RRM2: variants seen among roughly 807,000 people sequenced by gnomAD.
RRM2 encodes the protein ribonucleotide reductase regulatory subunit M2.
RRM2 carries 6 observed loss-of-function variants against 45.9 expected under a neutral mutation model. The observed-to-expected ratio is 0.13, with a 90% CI of 0.07 to 0.26. The LOEUF is 0.26. Among genes scored for constraint, RRM2 ranks in the 10% least tolerant of loss-of-function variants. RRM2 has a pLI of 1.00. For synonymous variants in RRM2, 177 were observed against 173.0 expected (o/e 1.02, Z -0.18); for missense variants, 343 against 489.5 (o/e 0.70, Z 2.82).
chr2:10,122,744 C>T lies in RRM2; in HGVS notation c.-55C>T, dbSNP rs1572484933. On this transcript the variant is annotated 5_prime_UTR_variant, in exon 1 of 10. Coordinates refer to ENST00000304567, the MANE Select transcript of RRM2 (RefSeq NM_001034.4). Reference sequence around the variant, plus strand: ...GCTGGAGTGAGGGGTCGCCCGTGCACCCTGTCCCAGCCGTCCTGTCCTGGC... The same window carrying T: ...GCTGGAGTGAGGGGTCGCCCGTGCATCCTGTCCCAGCCGTCCTGTCCTGGC... 1.3e-6 allele frequency: 2 copies of T among 1,554,836 alleles called. No individual in the cohort carries two copies. The highest frequency in any genetic ancestry group is 1.4e-5 in the African/African-American group (1 of 73,366).
rs979937701 is a variant in RRM2 at position 10,188,736 on chromosome 2, C to T, written n.483-21575C>T. Among the ~76,000 whole-genome samples the T allele has an allele frequency of 5.3e-5, 8 of 152,132 alleles. No individual in the cohort carries two copies. In the South Asian group the frequency reaches 1.0e-3, roughly 20 times the overall value. On this transcript the variant is annotated intron_variant and non_coding_transcript_variant, in intron 3 of 3. Coordinates refer to the RRM2 transcript ENST00000381786. ...CGAGGCATGGGGGGCATTTGTGGGCCGGTGTTTGAAATGCTCCACCAGCAC... is the reference window on the plus strand; with the variant it reads ...CGAGGCATGGGGGGCATTTGTGGGCTGGTGTTTGAAATGCTCCACCAGCAC...
At chr2:10,148,143 C>CAAAAAAAA (rs374826185) in intron 3 of RRM2, among the ~76,000 whole-genome samples, 21 of 119,602 alleles carry the variant, frequency 1.8e-4, no homozygotes, top group East Asian at 7.9e-4. Context: ...GACCCTGACT[C>CAAAAAAAA]AAAAAAAAAA....
intron 3 of RRM2, among the ~76,000 whole-genome samples, chr2:10,170,840 G>A (rs1302982065): frequency 1.3e-5 from 2 of 152,102 alleles, no homozygotes; most frequent in African/African-American, 2.4e-5. Context: ...AGAGCACAGC[G>A]GAATGAACGC....
intron 3 of RRM2, among the ~76,000 whole-genome samples, chr2:10,202,317 T>G (rs374046278): frequency 3.5e-4 from 54 of 152,346 alleles, no homozygotes; most frequent in Middle Eastern, 3.4e-3. Context: ...ATACCTTGCA[T>G]GTAAGGACAG....
intron 3 of RRM2, among the ~76,000 whole-genome samples, chr2:10,209,057 C>CTTTCT (rs1048061514): frequency 1.9e-3 from 191 of 102,482 alleles, no homozygotes; most frequent in African/African-American, 6.4e-3. Context: ...TTCTTTCTTT[C>CTTTCT]TTTTTTTTTT....
At chr2:10,175,443 T>G (rs1663895431) in intron 3 of RRM2, among the ~76,000 whole-genome samples, 1 of 152,228 alleles carries the variant, frequency 6.6e-6, no homozygotes, top group Admixed American at 6.5e-5. Flanking sequence ...AATACATTCA[T>G]AATGTTGTAT....
At chr2:10,192,423 G>T (rs569500585) in intron 3 of RRM2, among the ~76,000 whole-genome samples, 8 of 152,288 alleles carry the variant, frequency 5.3e-5, no homozygotes, top group African/African-American at 1.9e-4. Flanking sequence ...ACAGCAGCTC[G>T]GGGAGCTCCA....
intron 3 of RRM2, among the ~76,000 whole-genome samples, chr2:10,196,456 G>T (rs1338674532): frequency 6.6e-6 from 1 of 152,220 alleles, no homozygotes; most frequent in African/African-American, 2.4e-5. Flanking sequence ...GTGACCAGCA[G>T]CCGGCACTGC....
At chr2:10,197,617 G>T (rs1664444567) in intron 3 of RRM2, among the ~76,000 whole-genome samples, 1 of 151,956 alleles carries the variant, frequency 6.6e-6, no homozygotes, top group Admixed American at 6.5e-5. Context: ...GGGGGGCTGG[G>T]CGGTGGGCCC....
At chr2:10,200,365 T>A (rs527532101) in intron 3 of RRM2, among the ~76,000 whole-genome samples, 1 of 152,090 alleles carries the variant, frequency 6.6e-6, no homozygotes, top group African/African-American at 2.4e-5. Context: ...TGACATTCCT[T>A]TACTTACCTC....
At chr2:10,124,952 T>A in intron 5 of RRM2, 102 bp downstream of exon 5, 2 of 1,134,924 alleles carry the variant, frequency 1.8e-6, no homozygotes, top group Non-Finnish European at 1.3e-6. Context: ...CCAGAATGAC[T>A]AAGACAGTCA....
At position 10,123,062 on chromosome 2, in the gene RRM2, G is replaced by A; in HGVS notation, c.174+5G>A. ...TTCCAGGAGCCCACGGAGCCGGTGA[G>A]TGGCGGGCGTGGGGCAGAGGGGCCA... is the stretch of plus-strand genomic sequence containing the variant. On this transcript the variant is annotated splice_donor_5th_base_variant and intron_variant, in intron 2 of 9. Coordinates refer to ENST00000304567, the MANE Select transcript of RRM2 (RefSeq NM_001034.4). 6.5e-7 allele frequency: 1 copy of A among 1,549,414 alleles called. No individual in the cohort carries two copies. The highest frequency in any genetic ancestry group is 2.3e-5 in the East Asian group (1 of 42,588).
intron 3 of RRM2, among the ~76,000 whole-genome samples, chr2:10,168,036 G>GTTTTTTTTT (rs746974999): frequency 7.4e-6 from 1 of 134,456 alleles, no homozygotes; most frequent in Non-Finnish European, 1.6e-5. Context: ...AGGCTTTTCT[G>GTTTTTTTTT]TTTTTTTTTT....
At chr2:10,202,817 T>C (rs1335305817) in intron 3 of RRM2, among the ~76,000 whole-genome samples, 1 of 151,700 alleles carries the variant, frequency 6.6e-6, no homozygotes, top group Non-Finnish European at 1.5e-5. Context: ...ATGCTCCTGC[T>C]CTGTGACTGA....
chr2:10,123,624 CTG>C lies in RRM2; in HGVS notation c.318+97_318+98del, dbSNP rs1023850258. On this transcript the variant is annotated intron_variant, in intron 3 of 9. Transcript: ENST00000304567. ...GGTTCCCGTTGGCAAGGGGGGCTAACTGTGGGGCATAGTAAGTGGTGCCAGCA... is the reference window on the plus strand; with the variant it reads ...GGTTCCCGTTGGCAAGGGGGGCTAACTGGGGCATAGTAAGTGGTGCCAGCA... The C allele has an allele frequency of 1.1e-5, 16 of 1,502,724 alleles. No homozygotes were observed. In the East Asian group the frequency reaches 1.6e-4, roughly 15 times the overall value. 93.1% of individuals were successfully genotyped at this position (1,502,724 alleles called of 1,614,324 possible). A position where few individuals can be genotyped will look rare whatever the true frequency, so the allele number is the denominator to read the frequency against.
upstream of RRM2, chr2:10,122,600 T>G: frequency 6.7e-7 from 1 of 1,489,736 alleles, no homozygotes; most frequent in African/African-American, 1.4e-5. Context: ...CCAGCCTGGG[T>G]AGGGGCAAGG....
chr2:10,145,615 T>A (rs1663171332), intron 3 of RRM2: 1 of 152,130 alleles, frequency 6.6e-6, no homozygotes, highest in South Asian at 2.1e-4. Flanking sequence ...GAGACGTGGG[T>A]GCCAGACAGT....
At chr2:10,203,961 A>T (rs1664618687) in intron 3 of RRM2, among the ~76,000 whole-genome samples, 1 of 151,936 alleles carries the variant, frequency 6.6e-6, no homozygotes, top group South Asian at 2.1e-4. Flanking sequence ...ACCCCCAGAG[A>T]CTGCTGGTGC....
At chr2:10,155,086 A>C (rs1332056780) in intron 3 of RRM2, 1 of 224,656 alleles carries the variant, frequency 4.5e-6, no homozygotes, top group Non-Finnish European at 8.9e-6. Context: ...GTTGCTTCCA[A>C]CTGAATTGGC....
Sources: gnomAD v4.1 joint callset for allele counts (sites outside exome capture counted in the v4.1 genomes callset) on GRCh38, gnomAD v4.1.1 for gene constraint, MANE v1.5 for transcripts, NCBI Gene and HGNC (gene_info 2026-07-23, HGNC 2026-07-21) for gene names.